KCNQ1: variants seen among roughly 807,000 people sequenced by gnomAD.
KCNQ1 encodes the protein potassium voltage-gated channel subfamily Q member 1, also known as potassium voltage-gated channel subfamily KQT member 1.
A neutral mutation model predicts 72.4 loss-of-function variants in KCNQ1; 49 were observed. The ratio of observed to expected loss-of-function variants is 0.68; its 90% CI spans 0.54 to 0.86. KCNQ1 has a LOEUF of 0.86. KCNQ1 is among the 40% of genes least tolerant of loss of function. KCNQ1 has a pLI of 0.00. For synonymous variants in KCNQ1, 450 were observed against 412.6 expected (o/e 1.09, Z -1.10); for missense variants, 790 against 945.1 (o/e 0.84, Z 2.15).
At chr11:2,780,905 A>C (rs1041829318) in intron 15 of KCNQ1, among the ~76,000 whole-genome samples, 1 of 152,118 alleles carries the variant, frequency 6.6e-6, no homozygotes. Context: ...GCTCCAACAC[A>C]GACCTCCCAA....
chr11:2,822,412 G>A (rs1430214637), intron 15 of KCNQ1, among the ~76,000 whole-genome samples: 1 of 152,196 alleles, frequency 6.6e-6, no homozygotes, highest in Non-Finnish European at 1.5e-5. Context: ...TCTAGGAGGT[G>A]GAGGTGGGGA....
At chr11:2,805,417 G>C (rs1307349117) in intron 15 of KCNQ1, among the ~76,000 whole-genome samples, 1 of 152,240 alleles carries the variant, frequency 6.6e-6, no homozygotes, top group Non-Finnish European at 1.5e-5. Context: ...CCCCGCAGTA[G>C]GAAAGCAGGC....
rs2133851106 is a variant in KCNQ1 at position 2,657,965 on chromosome 11, G to T, written c.1394-3996G>T. On this transcript the variant is annotated intron_variant, in intron 10 of 15. Transcript: ENST00000155840. This position sits in a 1 kb window ranked among gnomAD's most constrained non-coding sequence, Gnocchi z 4.8. ...ATTAACCTTGAGCCACTCGTTTAAAGTGGTGTCGGCCAGGCTCCTCCACTG... is the reference window on the plus strand; with the variant it reads ...ATTAACCTTGAGCCACTCGTTTAAATTGGTGTCGGCCAGGCTCCTCCACTG... 2.5e-6 allele frequency: 1 copy of T among 398,600 alleles called. No individual in the cohort carries two copies. The highest frequency in any genetic ancestry group is 3.6e-5 in the East Asian group (1 of 28,072). 24.7% of individuals were successfully genotyped at this position (398,600 alleles called of 1,614,324 possible).
chr11:2,557,248 ACCTGACTGTAATCTTTAAGGCAT>A (rs1424187854), intron 2 of KCNQ1, among the ~76,000 whole-genome samples: 1 of 152,236 alleles, frequency 6.6e-6, no homozygotes, highest in Non-Finnish European at 1.5e-5. Context: ...CTATTAGAAG[ACCTGACTGTAATCTTTAAGGCAT>A]CATACAACAT....
intron 15 of KCNQ1, among the ~76,000 whole-genome samples, chr11:2,811,095 C>G (rs1847477160): frequency 6.6e-6 from 1 of 152,210 alleles, no homozygotes; most frequent in African/African-American, 2.4e-5. Context: ...TGGGCGTGGA[C>G]CCTAGCGTCC....
rs868621136 is a variant in KCNQ1, at chr11:2,474,750, C to T, written c.386+29266C>T. Among the ~76,000 whole-genome samples, 27 of 151,758 alleles carry T rather than the reference C, an allele frequency of 1.8e-4. No homozygotes were observed. The South Asian group carries it at 2.1e-3, about 12-fold the overall frequency. ...GTGGCCACACCTGCTGGGAATGCTGCTGGTGGGACTAGGTTAAGGCGAGAA... is the reference window on the plus strand; with the variant it reads ...GTGGCCACACCTGCTGGGAATGCTGTTGGTGGGACTAGGTTAAGGCGAGAA... On this transcript the variant is annotated intron_variant, in intron 1 of 15. Coordinates refer to ENST00000155840, the MANE Select transcript of KCNQ1 (RefSeq NM_000218.3).
At position 2,498,380 on chromosome 11, in the gene KCNQ1, C is replaced by G. The variant is rs1003243561; in HGVS notation, c.387-29548C>G. Among the ~76,000 whole-genome samples the G allele has an allele frequency of 6.6e-6, 1 of 152,230 alleles. No individual in the cohort carries two copies. Among genetic ancestry groups the G allele is most frequent in the African/African-American group, 2.4e-5 (1 of 41,464 alleles). On this transcript the variant is annotated intron_variant, in intron 1 of 15. Coordinates refer to ENST00000155840, the MANE Select transcript of KCNQ1 (RefSeq NM_000218.3). This position sits in a 1 kb window ranked among gnomAD's most constrained non-coding sequence, Gnocchi z 4.8. Reference sequence around the variant, plus strand: ...GCTGCTGCCTTTCTTTCAGAGATGCCCTGCCCAGTGAGGAGGAATCTAGAG... The same window carrying G: ...GCTGCTGCCTTTCTTTCAGAGATGCGCTGCCCAGTGAGGAGGAATCTAGAG...
At chr11:2,700,566 C>T (rs1850789512) in intron 11 of KCNQ1, among the ~76,000 whole-genome samples, 1 of 152,164 alleles carries the variant, frequency 6.6e-6, no homozygotes, top group African/African-American at 2.4e-5. Context: ...TCCCCCCTCC[C>T]AGCGGGTCCA....
intron 11 of KCNQ1, chr11:2,667,480 CAGAG>C (rs1357243786): frequency 1.5e-5 from 6 of 397,058 alleles, no homozygotes; most frequent in African/African-American, 1.0e-4. Context: ...GAGGATGTGA[CAGAG>C]AGAACATTCA....
In KCNQ1 at chr11:2,673,156, G is replaced by C. The variant is rs2133870697; in HGVS notation, c.1514+11075G>C. ...GGGGTGCTGACCATCCCTGACCCAA[G>C]CACGAGGATCAGAATGGGCCCTGGA... is the stretch of plus-strand genomic sequence containing the variant. On this transcript the variant is annotated intron_variant, in intron 11 of 15. Coordinates refer to ENST00000155840, the MANE Select transcript of KCNQ1 (RefSeq NM_000218.3). The surrounding 1 kb of genome is among the most constrained non-coding windows in gnomAD (Gnocchi z 4.5). 5.0e-6 allele frequency: 2 copies of C among 398,734 alleles called. No homozygotes were observed. The highest frequency in any genetic ancestry group is 7.1e-5 in the East Asian group (2 of 28,072). The allele number at this position is 398,734 out of a possible 1,614,324, so 24.7% of individuals were successfully genotyped here.
In KCNQ1 at chr11:2,769,812, G is replaced by T. The variant is rs1358837167; in HGVS notation, c.1590+893G>T. ...GTGTCTGCAGGAGCAGGGCAGGGTG[G>T]GGCTTCTGAGCTGGGGGCCCCTGGC... On this transcript the variant is annotated intron_variant, in intron 12 of 15. Coordinates refer to ENST00000155840, the MANE Select transcript of KCNQ1 (RefSeq NM_000218.3). The surrounding 1 kb of genome is among the most constrained non-coding windows in gnomAD (Gnocchi z 4.6). 6.6e-6 allele frequency among the ~76,000 whole-genome samples: 1 copy of T among 152,062 alleles called. No homozygotes were observed. The highest frequency in any genetic ancestry group is 1.5e-5 in the Non-Finnish European group (1 of 67,990).
chr11:2,562,845 A>G lies in KCNQ1; in HGVS notation c.478-7783A>G, dbSNP rs755261476. On this transcript the variant is annotated intron_variant, in intron 2 of 15. Transcript: ENST00000155840. This position sits in a 1 kb window ranked among gnomAD's most constrained non-coding sequence, Gnocchi z 7.5. Reference sequence around the variant, plus strand: ...ACAAAGCTCAGCTCTGATCCTTCGTATTTAATCTTCATCTTCCGCCGTCTT... The same window carrying G: ...ACAAAGCTCAGCTCTGATCCTTCGTGTTTAATCTTCATCTTCCGCCGTCTT... Among the ~76,000 whole-genome samples the G allele has an allele frequency of 5.3e-5, 8 of 152,144 alleles. No individual in the cohort carries two copies. Among genetic ancestry groups the G allele is most frequent in the African/African-American group, 9.7e-5 (4 of 41,436 alleles).
At chr11:2,733,814 A>ACACACACACACACACACACTCTCTCT in intron 11 of KCNQ1, among the ~76,000 whole-genome samples, 16 of 86,638 alleles carry the variant, frequency 1.8e-4, no homozygotes, top group Admixed American at 2.5e-4. Context: ...ACACACACAC[A>ACACACACACACACACACACTCTCTCT]CTCTCTCACT....
intron 1 of KCNQ1, among the ~76,000 whole-genome samples, chr11:2,449,881 C>T (rs999757259): frequency 2.0e-5 from 3 of 152,170 alleles, no homozygotes; most frequent in African/African-American, 4.8e-5. Context: ...CAAGCGTCCT[C>T]GAGTCCTAGG....
intron 10 of KCNQ1, chr11:2,634,080 TCCA>T: frequency 2.5e-6 from 1 of 398,436 alleles, no homozygotes; most frequent in Non-Finnish European, 4.4e-6. Flanking sequence ...CTTTTGTGGT[TCCA>T]TGCAAGTTTA....
At chr11:2,530,109 T>A (rs1209021346) in intron 2 of KCNQ1, among the ~76,000 whole-genome samples, 1 of 152,160 alleles carries the variant, frequency 6.6e-6, no homozygotes, top group African/African-American at 2.4e-5. Context: ...CATCTTGTGG[T>A]GCCATCTTGG....
At chr11:2,770,785 G>C (rs113769618) in intron 12 of KCNQ1, among the ~76,000 whole-genome samples, 3 of 152,256 alleles carry the variant, frequency 2.0e-5, no homozygotes, top group Non-Finnish European at 4.4e-5. Flanking sequence ...TCTGGTGCTG[G>C]CATGGAGGGC....
At chr11:2,587,304 A>G (rs1194344504) in intron 8 of KCNQ1, among the ~76,000 whole-genome samples, 1 of 152,172 alleles carries the variant, frequency 6.6e-6, no homozygotes, top group South Asian at 2.1e-4. Context: ...AGGGCTGGTA[A>G]AGACCTCTGT....
intron 10 of KCNQ1, chr11:2,628,947 G>A (rs1264605483): frequency 2.5e-6 from 1 of 398,134 alleles, no homozygotes; most frequent in African/African-American, 2.1e-5. Context: ...TTATTTCTAT[G>A]CTTTCTATTC....
Sources: allele counts gnomAD v4.1 joint callset (sites outside exome capture counted in the v4.1 genomes callset), GRCh38; gene constraint gnomAD v4.1.1; non-coding constraint Gnocchi (gnomAD v3.1); transcripts MANE v1.5; gene names NCBI Gene and HGNC (gene_info 2026-07-23, HGNC 2026-07-21).